Variants in CRADD observed in about 807,000 individuals in gnomAD.
The protein encoded by CRADD is CARD and death domain containing adaptor protein.
Under a neutral mutation model 15.5 loss-of-function variants are expected in CRADD, and 9 were observed. The ratio of observed to expected loss-of-function variants is 0.58; its 90% CI spans 0.35 to 1.01. The LOEUF is 1.01. CRADD is among the 50% of genes least tolerant of loss of function. The pLI is 0.02. For missense variants in CRADD, 227 were observed against 250.3 expected, an observed-to-expected ratio of 0.91 and a Z score of 0.63; for synonymous variants, 118 against 107.6, an observed-to-expected ratio of 1.10 and a Z score of -0.60.
chr12:93,687,316 A>G (rs1320054319), intron 2 of CRADD, among the ~76,000 whole-genome samples: 1 of 152,046 alleles, frequency 6.6e-6, no homozygotes, highest in East Asian at 1.9e-4. Context: ...GGATGTATAG[A>G]CCGTTCGGCT....
chr12:93,875,052 A>G lies in CRADD; in HGVS notation c.299-18998A>G, dbSNP rs571872901. ...TCCAGCTGTTATTGTATTATGATCT[A>G]TCTCTCCCTTCAGCTCTAATATTTG... On this transcript the variant is annotated intron_variant, in intron 2 of 2. Coordinates refer to the CRADD transcript ENST00000548483. 4.1e-4 allele frequency among the ~76,000 whole-genome samples: 63 copies of G among 152,168 alleles called. 1 individual carries two copies. Among genetic ancestry groups the G allele is most frequent in the African/African-American group, 1.4e-3 (58 of 41,566 alleles).
intron 2 of CRADD, among the ~76,000 whole-genome samples, chr12:93,754,670 C>G (rs1279473702): frequency 6.6e-6 from 1 of 152,180 alleles, no homozygotes; most frequent in Non-Finnish European, 1.5e-5. Flanking sequence ...CCATCTGAGA[C>G]CACCTCAGCC....
At chr12:93,738,558 C>G in intron 2 of CRADD, 1 of 688,602 alleles carries the variant, frequency 1.5e-6, no homozygotes, top group South Asian at 1.5e-5. Context: ...TTCCTCACAC[C>G]TGCCTCACCC....
At chr12:93,745,558 T>A (rs999992939) in intron 2 of CRADD, among the ~76,000 whole-genome samples, 1 of 152,178 alleles carries the variant, frequency 6.6e-6, no homozygotes, top group Non-Finnish European at 1.5e-5. Context: ...GGTAGAGGCA[T>A]AGGCAGCAGG....
downstream of CRADD, among the ~76,000 whole-genome samples, chr12:93,855,457 A>G (rs1480179887): frequency 1.3e-5 from 2 of 152,178 alleles, no homozygotes; most frequent in Non-Finnish European, 2.9e-5. Flanking sequence ...TTCTCCAGGA[A>G]CTCACTGTTT....
chr12:93,684,277 T>TG (rs1050653137), intron 2 of CRADD, among the ~76,000 whole-genome samples: 2 of 152,146 alleles, frequency 1.3e-5, no homozygotes, highest in South Asian at 2.1e-4. Context: ...ACGGGAGAGT[T>TG]GGGGGGAATG....
chr12:93,846,648 A>C (rs1958123580), intron 2 of CRADD: 1 of 152,098 alleles, frequency 6.6e-6, no homozygotes, highest in Non-Finnish European at 1.5e-5. Context: ...TGAAAATCAA[A>C]GAGTGAGATA....
intron 2 of CRADD, among the ~76,000 whole-genome samples, chr12:93,795,981 G>T (rs1350249585): frequency 6.6e-6 from 1 of 152,194 alleles, no homozygotes; most frequent in African/African-American, 2.4e-5. Flanking sequence ...GAAATCTTTT[G>T]TCACATCCTA....
intron 2 of CRADD, among the ~76,000 whole-genome samples, chr12:93,776,981 A>G (rs1307565116): frequency 6.6e-6 from 1 of 152,248 alleles, no homozygotes; most frequent in Non-Finnish European, 1.5e-5. Context: ...AACTCTGAAT[A>G]TATTAAAAAC....
intron 2 of CRADD, among the ~76,000 whole-genome samples, chr12:93,871,153 T>A (rs1958415666): frequency 6.6e-6 from 1 of 152,194 alleles, no homozygotes; most frequent in Non-Finnish European, 1.5e-5. Context: ...GTTTTAAATT[T>A]TAACCTAACG....
At chr12:93,766,633 G>A (rs1957029404) in intron 2 of CRADD, among the ~76,000 whole-genome samples, 1 of 152,192 alleles carries the variant, frequency 6.6e-6, no homozygotes, top group Non-Finnish European at 1.5e-5. Flanking sequence ...ACCTTCAGTA[G>A]AGGTTAAAAT....
rs149090839 is a variant in CRADD at position 93,748,505 on chromosome 12, C to A, written c.298+69433C>A. 1.6e-3 allele frequency among the ~76,000 whole-genome samples: 243 copies of A among 152,284 alleles called. 5 individuals are homozygous for A. In the East Asian group the frequency reaches 0.042, roughly 26 times the overall value. On this transcript the variant is annotated intron_variant, in intron 2 of 2. Coordinates refer to ENST00000332896, the MANE Select transcript of CRADD (RefSeq NM_003805.5). ...TATTTTTAGTAGAGACGGGGTTTCTCTGTGTTGGTCAGGCTGGTCTCGAAC... is the reference window on the plus strand; with the variant it reads ...TATTTTTAGTAGAGACGGGGTTTCTATGTGTTGGTCAGGCTGGTCTCGAAC...
chr12:93,757,280 C>G (rs978945970), intron 2 of CRADD, among the ~76,000 whole-genome samples: 1 of 152,096 alleles, frequency 6.6e-6, no homozygotes, highest in African/African-American at 2.4e-5. Context: ...ATTCTCATGC[C>G]TGTTTTTCTT....
At chr12:93,878,920 C>A (rs1029561724) in intron 2 of CRADD, among the ~76,000 whole-genome samples, 1 of 152,122 alleles carries the variant, frequency 6.6e-6, no homozygotes, top group Non-Finnish European at 1.5e-5. Flanking sequence ...CTGCGTAGAT[C>A]GTTGTTAAAT....
chr12:93,832,162 C>T (rs964114564), intron 2 of CRADD, among the ~76,000 whole-genome samples: 1 of 152,110 alleles, frequency 6.6e-6, no homozygotes, highest in African/African-American at 2.4e-5. Flanking sequence ...TGTCAATCAC[C>T]ATATCACTGC....
chr12:93,809,323 A>G (rs1050021395), intron 2 of CRADD, among the ~76,000 whole-genome samples: 17 of 152,212 alleles, frequency 1.1e-4, no homozygotes, highest in Non-Finnish European at 2.4e-4. Flanking sequence ...TTTGCTGTGC[A>G]TATAATTGTG....
intron 2 of CRADD, among the ~76,000 whole-genome samples, chr12:93,882,964 G>A (rs751162876): frequency 5.3e-4 from 81 of 152,146 alleles, no homozygotes; most frequent in Non-Finnish European, 1.1e-3. Context: ...ACATCTGACT[G>A]TCTCAGGGGA....
chr12:93,679,163 A>G, intron 2 of CRADD, 91 bp downstream of exon 2: 1 of 1,077,842 alleles, frequency 9.3e-7, no homozygotes, highest in African/African-American at 1.6e-5. Flanking sequence ...TGTTTTTGAG[A>G]CAGAGTCTTG....
At chr12:93,732,131 C>A (rs372407999) in intron 2 of CRADD, among the ~76,000 whole-genome samples, 1 of 146,180 alleles carries the variant, frequency 6.8e-6, no homozygotes. Context: ...AGTGAAATTC[C>A]GTCTCAAGAA....
Sources: gnomAD v4.1 joint callset for allele counts (sites outside exome capture counted in the v4.1 genomes callset) on GRCh38, gnomAD v4.1.1 for gene constraint, MANE v1.5 for transcripts, NCBI Gene and HGNC (gene_info 2026-07-23, HGNC 2026-07-21) for gene names.